KALRN: variants seen among roughly 807,000 people sequenced by gnomAD.
KALRN encodes kalirin.
KALRN carries 70 observed loss-of-function variants against 353.7 expected under a neutral mutation model. The observed-to-expected ratio is 0.20, with a 90% CI of 0.16 to 0.24. The LOEUF is 0.24. Ranked by LOEUF, KALRN falls within the 10% of genes least tolerant of loss-of-function variation. The pLI is 1.00. For missense variants in KALRN, 2,791 were observed against 3,756.7 expected (o/e 0.74, Z 6.72); for synonymous variants, 1,391 against 1,434.8 (o/e 0.97, Z 0.69).
chr3:124,210,183 G>C (rs2076784220), intron 1 of KALRN, among the ~76,000 whole-genome samples: 1 of 152,146 alleles, frequency 6.6e-6, no homozygotes, highest in South Asian at 2.1e-4. Context: ...TTGTTTTAGA[G>C]TTAAATGAAA....
intron 34 of KALRN, among the ~76,000 whole-genome samples, chr3:124,627,194 T>C (rs955003364): frequency 6.6e-6 from 1 of 152,168 alleles, no homozygotes; most frequent in Non-Finnish European, 1.5e-5. Context: ...TAACCAGACA[T>C]TTAAAGTGTC....
chr3:124,271,316 C>T (rs1219862535), intron 5 of KALRN, among the ~76,000 whole-genome samples: 1 of 152,062 alleles, frequency 6.6e-6, no homozygotes, highest in Non-Finnish European at 1.5e-5. Context: ...TCATGGTATC[C>T]CTCAGGCTCA....
rs556509649 is a variant in KALRN, at chr3:124,136,499, A to C, written c.74-91491A>C. On this transcript the variant is annotated intron_variant, in intron 1 of 59. Transcript: ENST00000682506. ...ACCAAATTGCCAAGGTCCCCCCCCCATTGATTGGAATCAGGATTTGAATAC... is the reference window on the plus strand; with the variant it reads ...ACCAAATTGCCAAGGTCCCCCCCCCCTTGATTGGAATCAGGATTTGAATAC... 3.1e-3 allele frequency among the ~76,000 whole-genome samples: 471 copies of C among 152,098 alleles called. 1 individual carries two copies. The highest frequency in any genetic ancestry group is 4.9e-3 in the Non-Finnish European group (334 of 67,972).
At chr3:124,695,610 T>C (rs1343516080) in intron 53 of KALRN, among the ~76,000 whole-genome samples, 1 of 152,166 alleles carries the variant, frequency 6.6e-6, no homozygotes, top group Non-Finnish European at 1.5e-5. Flanking sequence ...GGACCTTGTA[T>C]TGGGGTGAAT....
intron 1 of KALRN, chr3:124,152,132 A>G (rs769175056): frequency 1.2e-4 from 164 of 1,317,624 alleles, no homozygotes; most frequent in Middle Eastern, 2.5e-4. Flanking sequence ...GATCTCATGA[A>G]TCAGATCCTT....
chr3:124,230,947 T>G (rs549168716), intron 2 of KALRN, among the ~76,000 whole-genome samples: 1 of 139,282 alleles, frequency 7.2e-6, no homozygotes, highest in South Asian at 2.2e-4. Context: ...TAAAACAAAA[T>G]GAAGAAACCT....
chr3:124,176,595 A>C (rs1416664843), intron 1 of KALRN, among the ~76,000 whole-genome samples: 1 of 152,162 alleles, frequency 6.6e-6, no homozygotes, highest in Non-Finnish European at 1.5e-5. Flanking sequence ...GGAGGGAGAC[A>C]AGCAGGAGAA....
chr3:124,703,099 C>T (rs1015740605), intron 57 of KALRN, among the ~76,000 whole-genome samples: 1 of 152,134 alleles, frequency 6.6e-6, no homozygotes, highest in Non-Finnish European at 1.5e-5. Context: ...TCATTTCTAG[C>T]TCTGATTAGC....
intron 13 of KALRN, among the ~76,000 whole-genome samples, chr3:124,407,120 A>G (rs1319018067): frequency 2.6e-5 from 4 of 152,092 alleles, no homozygotes; most frequent in Non-Finnish European, 5.9e-5. Context: ...CACTGCACCC[A>G]GCCAGGCAAA....
At chr3:124,474,913 T>C (rs533184084) in intron 26 of KALRN, among the ~76,000 whole-genome samples, 181 bp downstream of exon 26, 1 of 152,166 alleles carries the variant, frequency 6.6e-6, no homozygotes, top group African/African-American at 2.4e-5. Flanking sequence ...AAGCTCCATC[T>C]TAAGCTGTCT....
rs748583387 is a variant in KALRN, at chr3:124,496,365, C to T, written c.4887C>T (p.Thr1629=). The T allele has an allele frequency of 3.1e-6, 5 of 1,613,398 alleles. No individual in the cohort carries two copies. The highest frequency in any genetic ancestry group is 4.2e-6 in the Non-Finnish European group (5 of 1,179,836). Residue 1629 remains threonine (T), a synonymous_variant, in exon 33 of 60, where the codon ACC becomes ACT. Coordinates refer to ENST00000682506, the MANE Select transcript of KALRN (RefSeq NM_001388419.1). ...GGGATGGGAGCAGCCAACCAGACAC[C>T]ATCTCCATTGCTTCTAGGACCTCTC... ...SQGDGSSQPD[T]ISIASRTSQN...
chr3:124,206,208 A>G (rs2076395433), intron 1 of KALRN, among the ~76,000 whole-genome samples: 1 of 152,186 alleles, frequency 6.6e-6, no homozygotes, highest in Admixed American at 6.5e-5. Flanking sequence ...CTGGTTGATG[A>G]CAACCCAGGA....
At chr3:124,236,596 T>A (rs2079802633) in intron 3 of KALRN, among the ~76,000 whole-genome samples, 1 of 152,216 alleles carries the variant, frequency 6.6e-6, no homozygotes, top group Non-Finnish European at 1.5e-5. Context: ...GTTCATCACA[T>A]AGCTGCAGCT....
chr3:124,392,694 T>A (rs2089599286), intron 11 of KALRN, among the ~76,000 whole-genome samples: 1 of 150,182 alleles, frequency 6.7e-6, no homozygotes, highest in Non-Finnish European at 1.5e-5. Context: ...AACCTCCGCC[T>A]CCTGGGTTCA....
intron 3 of KALRN, among the ~76,000 whole-genome samples, chr3:124,235,365 T>C (rs116794291): frequency 0.011 from 1,616 of 152,140 alleles, 25 homozygotes; most frequent in African/African-American, 0.037. Context: ...AAATTTTCAC[T>C]GGGTAGGGTG....
chr3:124,153,386 C>T lies in KALRN; in HGVS notation c.74-74604C>T, dbSNP rs1160289338. 4.7e-5 allele frequency among the ~76,000 whole-genome samples: 7 copies of T among 150,282 alleles called. No homozygotes were observed. The East Asian group carries it at 5.9e-4, about 13-fold the overall frequency. The stretch of plus-strand genomic sequence containing the variant: ...TGCGGTGTTTCGTTTTTTGTCCTTG[C>T]GATAGTTTACTGAGAATGATGATTT... On this transcript the variant is annotated intron_variant, in intron 1 of 59. Transcript: ENST00000682506.
At chr3:124,433,291 A>T (rs1359411801) in intron 16 of KALRN, among the ~76,000 whole-genome samples, 1 of 149,026 alleles carries the variant, frequency 6.7e-6, no homozygotes. Context: ...AAAAAGGATT[A>T]AAAAAAAAAG....
At chr3:124,472,372 C>G (rs1375189853) in intron 25 of KALRN, among the ~76,000 whole-genome samples, 1 of 152,058 alleles carries the variant, frequency 6.6e-6, no homozygotes, top group Non-Finnish European at 1.5e-5. Flanking sequence ...GGCTGTTTTA[C>G]CATTTCTTTG....
chr3:124,550,586 G>T (rs570040833), intron 33 of KALRN, among the ~76,000 whole-genome samples: 1 of 152,096 alleles, frequency 6.6e-6, no homozygotes, highest in African/African-American at 2.4e-5. Flanking sequence ...ACCCAAGCAC[G>T]TGTTTCCTTT....
Sources: gnomAD v4.1 joint callset for allele counts (sites outside exome capture counted in the v4.1 genomes callset) on GRCh38, gnomAD v4.1.1 for gene constraint, MANE v1.5 for transcripts, NCBI Gene and HGNC (gene_info 2026-07-23, HGNC 2026-07-21) for gene names.